DGKB: variants seen among roughly 807,000 people sequenced by gnomAD.
The protein encoded by DGKB is diacylglycerol kinase beta, also known as 90 kDa diacylglycerol kinase.
DGKB carries 67 observed loss-of-function variants against 114.3 expected under a neutral mutation model. The ratio of observed to expected loss-of-function variants is 0.59; its 90% CI spans 0.48 to 0.72. The LOEUF (loss-of-function observed/expected upper bound fraction) is 0.72. Among genes scored for constraint, DGKB ranks in the 30% least tolerant of loss-of-function variants. The pLI is 0.00. For synonymous variants in DGKB, 398 were observed against 323.1 expected, an observed-to-expected ratio of 1.23 and a Z score of -2.49; for missense variants, 907 against 975.2, an observed-to-expected ratio of 0.93 and a Z score of 0.93.
intron 21 of DGKB, among the ~76,000 whole-genome samples, chr7:14,437,980 A>G (rs1829531238): frequency 6.6e-6 from 1 of 152,034 alleles, no homozygotes; most frequent in African/African-American, 2.4e-5. Flanking sequence ...TTGCTGCGTT[A>G]CAGAATGACA....
At position 14,682,797 on chromosome 7, in the gene DGKB, G is replaced by A; in HGVS notation, c.874C>T (p.Pro292Ser). 4 of 1,606,188 alleles carry A rather than the reference G, an allele frequency of 2.5e-6. No individual in the cohort carries two copies. Among genetic ancestry groups the A allele is most frequent in the South Asian group, 1.1e-5 (1 of 90,194 alleles). The change falls in exon 11 of 26, where the codon CCC becomes TCC. Residue 292 changes from proline to serine, a missense_variant. Transcript: ENST00000402815. ...TTCACATAGGTCTTGATGCAAGAGG[G>A]AGGTGCTCGAGCCACACAGCGCTCA... ...VHERCVARAP[P>S]SCIKTYVKSK... is the part of the protein sequence containing the mutation.
intron 21 of DGKB, among the ~76,000 whole-genome samples, chr7:14,406,811 T>C (rs1163817738): frequency 6.6e-6 from 1 of 152,130 alleles, no homozygotes; most frequent in African/African-American, 2.4e-5. Context: ...ACTCAAGTTA[T>C]ATACAATTTT....
intron 20 of DGKB, among the ~76,000 whole-genome samples, chr7:14,508,346 C>T (rs79382881): frequency 0.033 from 4,992 of 152,116 alleles, 112 homozygotes; most frequent in Middle Eastern, 0.058. Context: ...GATCTGTGAA[C>T]GCATAAAATG....
chr7:14,517,249 G>C (rs1451196442), intron 20 of DGKB, among the ~76,000 whole-genome samples: 1 of 152,092 alleles, frequency 6.6e-6, no homozygotes, highest in Non-Finnish European at 1.5e-5. Flanking sequence ...TAACTGACTA[G>C]CCATATGCAG....
chr7:14,821,615 T>G (rs1259585917), intron 2 of DGKB, among the ~76,000 whole-genome samples: 1 of 152,152 alleles, frequency 6.6e-6, no homozygotes, highest in African/African-American at 2.4e-5. Context: ...AAGAAAGTGG[T>G]TTTCAGATGG....
At chr7:14,333,178 G>C (rs992355731) in intron 23 of DGKB, among the ~76,000 whole-genome samples, 1 of 152,106 alleles carries the variant, frequency 6.6e-6, no homozygotes, top group African/African-American at 2.4e-5. Flanking sequence ...TCAGTGAGAG[G>C]CCGGGGGCAG....
intron 25 of DGKB, among the ~76,000 whole-genome samples, chr7:14,150,105 C>A (rs986551347): frequency 1.3e-5 from 2 of 152,054 alleles, no homozygotes; most frequent in African/African-American, 2.4e-5. Context: ...ATAAATGATT[C>A]TCATTATGTA....
chr7:14,319,713 A>C (rs1257624348), intron 23 of DGKB, among the ~76,000 whole-genome samples: 1 of 152,210 alleles, frequency 6.6e-6, no homozygotes, highest in Non-Finnish European at 1.5e-5. Context: ...CCAGGGTGTG[A>C]AAGATAAATC....
intron 13 of DGKB, among the ~76,000 whole-genome samples, chr7:14,651,422 GA>G (rs1814465166): frequency 1.4e-5 from 2 of 147,236 alleles, no homozygotes; most frequent in South Asian, 4.4e-4. Context: ...AATAGATGCA[GA>G]AAAGGCCTTT....
intron 13 of DGKB, among the ~76,000 whole-genome samples, chr7:14,630,543 G>C (rs557549927): frequency 7.9e-5 from 12 of 152,112 alleles, no homozygotes; most frequent in African/African-American, 2.6e-4. Flanking sequence ...TCTTTGGTCA[G>C]CTTTAGCTCC....
chr7:14,287,592 A>T, intron 23 of DGKB, among the ~76,000 whole-genome samples: 1 of 152,170 alleles, frequency 6.6e-6, no homozygotes, highest in East Asian at 1.9e-4. Context: ...CACTATAAAT[A>T]CAAGAGTAGT....
At chr7:14,507,993 G>A (rs1262832495) in intron 20 of DGKB, among the ~76,000 whole-genome samples, 1 of 152,196 alleles carries the variant, frequency 6.6e-6, no homozygotes, top group Non-Finnish European at 1.5e-5. Context: ...TTTGGCTACT[G>A]TGGGTAACAA....
chr7:14,263,180 A>G (rs4719396), intron 23 of DGKB, among the ~76,000 whole-genome samples: 67,272 of 152,006 alleles, frequency 0.44, 17,383 homozygotes, highest in Non-Finnish European at 0.59. Context: ...TGATAACATA[A>G]ACCGTTTTCT....
At chr7:14,415,852 T>C (rs1337656270) in intron 21 of DGKB, among the ~76,000 whole-genome samples, 1 of 152,164 alleles carries the variant, frequency 6.6e-6, no homozygotes, top group Admixed American at 6.6e-5. Context: ...CCACACTGAC[T>C]TCCACAATGG....
chr7:14,834,861 G>C (rs1846932831), intron 2 of DGKB, among the ~76,000 whole-genome samples: 1 of 152,050 alleles, frequency 6.6e-6, no homozygotes, highest in Admixed American at 6.6e-5. Flanking sequence ...CTTACCCAAA[G>C]TTTTGCATCT....
At chr7:14,437,863 G>A (rs191250186) in intron 21 of DGKB, among the ~76,000 whole-genome samples, 1 of 150,678 alleles carries the variant, frequency 6.6e-6, no homozygotes, top group Non-Finnish European at 1.5e-5. Context: ...TTAAAGACAG[G>A]ACTTATTGGT....
At chr7:14,259,586 C>G (rs546348077) in intron 23 of DGKB, among the ~76,000 whole-genome samples, 1 of 152,212 alleles carries the variant, frequency 6.6e-6, no homozygotes, top group Admixed American at 6.5e-5. Context: ...GCCACCACAT[C>G]CGGCTAATTT....
At chr7:14,314,743 C>T (rs779495888) in intron 23 of DGKB, among the ~76,000 whole-genome samples, 2,070 of 151,666 alleles carry the variant, frequency 0.014, 25 homozygotes, top group Middle Eastern at 0.027. Context: ...CCCAATCTAG[C>T]AAGGCAGGCC....
rs372478958 is a variant in DGKB at position 14,309,594 on chromosome 7, G to A, written c.2122+28921C>T. Among the ~76,000 whole-genome samples, 46 of 152,286 alleles carry A rather than the reference G, an allele frequency of 3.0e-4. No individual in the cohort carries two copies. In the East Asian group the frequency reaches 6.2e-3, roughly 20 times the overall value. ...AAAAGTTTGAACTTCTAGATTTCTA[G>A]ATTTTCTCTGGGCCTGCAGAAGTTG... On this transcript the variant is annotated intron_variant, in intron 23 of 25. Transcript: ENST00000402815.
Sources: gnomAD v4.1 joint callset for allele counts (sites outside exome capture counted in the v4.1 genomes callset) on GRCh38, gnomAD v4.1.1 for gene constraint, MANE v1.5 for transcripts, NCBI Gene and HGNC (gene_info 2026-07-23, HGNC 2026-07-21) for gene names.